Variants in SLC9A8 observed in about 807,000 individuals in gnomAD.
The protein encoded by SLC9A8 is sodium/hydrogen exchanger 8.
A neutral mutation model predicts 66.6 loss-of-function variants in SLC9A8; 48 were observed. The ratio of observed to expected loss-of-function variants is 0.72; its 90% confidence interval spans 0.57 to 0.92. The LOEUF (loss-of-function observed/expected upper bound fraction) is 0.92, where lower values mean the gene tolerates loss of function less well. Among genes scored for constraint, SLC9A8 ranks in the 40% least tolerant of loss-of-function variants. The pLI is 0.00. For synonymous variants in SLC9A8, 274 were observed against 282.6 expected (o/e 0.97, Z 0.31); for missense variants, 599 against 747.3 (o/e 0.80, Z 2.31).
chr20:49,881,089 C>A, intron 13 of SLC9A8, 54 bp downstream of exon 13: 1 of 1,263,564 alleles, frequency 7.9e-7, no homozygotes, highest in Non-Finnish European at 1.2e-6. Flanking sequence ...AAAGCACGCC[C>A]CATACAGGGA....
chr20:49,884,276 C>CACACACACACG lies in SLC9A8; in HGVS notation c.1491+220_1491+221insGACACACACAC, dbSNP rs1568884003. 817 of 158,760 alleles carry CACACACACACG rather than the reference C, an allele frequency of 5.1e-3. 74 individuals carry two copies. The highest frequency in any genetic ancestry group is 0.039 in the African/African-American group (403 of 10,246). 9.8% of individuals were successfully genotyped at this position (158,760 alleles called of 1,614,324 possible). On this transcript the variant is annotated intron_variant, in intron 14 of 15. Coordinates refer to ENST00000361573, the MANE Select transcript of SLC9A8 (RefSeq NM_015266.3). The stretch of plus-strand genomic sequence containing the variant: ...ACACACACGACACACACACACACGA[C>CACACACACACG]ACACACACACACGACACACACACAC...
At chr20:49,821,918 G>A (rs958514063) in intron 2 of SLC9A8, among the ~76,000 whole-genome samples, 1 of 152,150 alleles carries the variant, frequency 6.6e-6, no homozygotes, top group Admixed American at 6.6e-5. Context: ...CCAGCCAAGT[G>A]GGAGGTGGTG....
In SLC9A8 at chr20:49,876,002, G is replaced by A. The variant is rs2089414487; in HGVS notation, c.1075+1181G>A. On this transcript the variant is annotated intron_variant, in intron 11 of 15. Transcript: ENST00000361573. ...GATCCACCTGCCTCGGCCTCCCAAA[G>A]TGCTGGGATTACAGGCATGAGCCAC... Among the ~76,000 whole-genome samples the A allele has an allele frequency of 2.6e-5, 4 of 152,282 alleles. No individual in the cohort carries two copies. In the South Asian group the frequency reaches 8.3e-4, roughly 32 times the overall value.
In SLC9A8 at chr20:49,813,379, C is replaced by T. The variant is rs1225131331; in HGVS notation, c.26+431C>T. The stretch of plus-strand genomic sequence containing the variant: ...TCTCCTTCACTAAGTTTCATTTAGT[C>T]ATTAACTGTTAGCCATCTACTCAAT... On this transcript the variant is annotated intron_variant, in intron 1 of 15. Transcript: ENST00000361573. Among the ~76,000 whole-genome samples, 3 of 152,194 alleles carry T rather than the reference C, an allele frequency of 2.0e-5. No individual in the cohort carries two copies. The East Asian group carries it at 5.8e-4, about 29-fold the overall frequency.
chr20:49,818,639 T>G (rs1220319057), intron 2 of SLC9A8, among the ~76,000 whole-genome samples: 2 of 151,918 alleles, frequency 1.3e-5, no homozygotes, highest in African/African-American at 2.4e-5. Context: ...TACAGGTGCC[T>G]GCCACCACAC....
At chr20:49,829,611 C>T in intron 3 of SLC9A8, 1 of 412,270 alleles carries the variant, frequency 2.4e-6, no homozygotes, top group Non-Finnish European at 4.8e-6. Flanking sequence ...AGTGAAACAG[C>T]TGAAGCCATA....
At chr20:49,836,836 A>G (rs1177590360) in intron 3 of SLC9A8, among the ~76,000 whole-genome samples, 1 of 152,184 alleles carries the variant, frequency 6.6e-6, no homozygotes, top group African/African-American at 2.4e-5. Flanking sequence ...TATCCTTGCC[A>G]ACACTTATTT....
At chr20:49,852,417 G>A (rs950080423) in intron 7 of SLC9A8, among the ~76,000 whole-genome samples, 3 of 152,136 alleles carry the variant, frequency 2.0e-5, no homozygotes, top group Admixed American at 1.3e-4. Context: ...CATGAGAGGG[G>A]ACCACAGACT....
At position 49,888,205 on chromosome 20, in the gene SLC9A8, G is replaced by A. The variant is rs1239789395; in HGVS notation, c.*269G>A. On this transcript the variant is annotated 3_prime_UTR_variant, in exon 16 of 16. Transcript: ENST00000361573. ...CTCCTCAGCCCACAGAGGGGAGGGAGCATGGGGCCAGGTGCCAGTCATCTG... is the reference window on the plus strand; with the variant it reads ...CTCCTCAGCCCACAGAGGGGAGGGAACATGGGGCCAGGTGCCAGTCATCTG... 2 of 377,740 alleles carry A rather than the reference G, an allele frequency of 5.3e-6. No homozygotes were observed. Among genetic ancestry groups the A allele is most frequent in the Non-Finnish European group, 9.9e-6 (2 of 202,102 alleles). The allele number at this position is 377,740 out of a possible 1,614,324, so 23.4% of individuals were successfully genotyped here.
At chr20:49,860,749 C>T (rs572059706) in intron 8 of SLC9A8, among the ~76,000 whole-genome samples, 1 of 151,928 alleles carries the variant, frequency 6.6e-6, no homozygotes, top group Non-Finnish European at 1.5e-5. Context: ...AAAATGATAT[C>T]GATTCATGAC....
intron 4 of SLC9A8, among the ~76,000 whole-genome samples, chr20:49,841,929 A>ACG (rs2087779173): frequency 6.6e-6 from 1 of 152,050 alleles, no homozygotes; most frequent in African/African-American, 2.4e-5. Flanking sequence ...TTGTAGAGAC[A>ACG]CGATGTCACT....
Position 49,877,391 on chromosome 20 carries a change from G to A in SLC9A8, c.1076-590G>A, listed in dbSNP as rs192036266. Among the ~76,000 whole-genome samples, 574 of 152,236 alleles carry A rather than the reference G, an allele frequency of 3.8e-3. 4 individuals carry two copies. The highest frequency in any genetic ancestry group is 5.2e-3 in the Non-Finnish European group (357 of 68,016). The stretch of plus-strand genomic sequence containing the variant: ...AGAGCCTAGTGTTAGAAATTTATAA[G>A]GTGCTTTTTCTTAATATATACAAGT... On this transcript the variant is annotated intron_variant, in intron 11 of 15. Transcript: ENST00000361573.
intron 3 of SLC9A8, among the ~76,000 whole-genome samples, chr20:49,838,193 G>A (rs1600690516): frequency 6.6e-6 from 1 of 152,196 alleles, no homozygotes; most frequent in African/African-American, 2.4e-5. Context: ...GAGAGAGAAC[G>A]AAGATGGGGG....
At chr20:49,830,935 GC>G in intron 3 of SLC9A8, 1 of 837,578 alleles carries the variant, frequency 1.2e-6, no homozygotes, top group Non-Finnish European at 2.1e-6. Context: ...TGAAATACAT[GC>G]AGAAGGATCT....
chr20:49,815,352 G>A, intron 2 of SLC9A8, 163 bp downstream of exon 2: 1 of 452,840 alleles, frequency 2.2e-6, no homozygotes, highest in Non-Finnish European at 3.8e-6. Context: ...TCATTAACAG[G>A]AAACTCTCTT....
At chr20:49,864,948 C>T in intron 10 of SLC9A8, 104 bp downstream of exon 10, 3 of 762,130 alleles carry the variant, frequency 3.9e-6, no homozygotes, top group Admixed American at 3.9e-5. Flanking sequence ...GAGACAGTCA[C>T]AACTCAGAAG....
In SLC9A8 at chr20:49,828,919, ATGTG is replaced by A. The variant is rs140016053; in HGVS notation, c.289+5790_289+5793del. On this transcript the variant is annotated intron_variant, in intron 3 of 15. Transcript: ENST00000361573. The stretch of plus-strand genomic sequence containing the variant: ...GCACAGTGCATGGCACACAGTATAG[ATGTG>A]TGTGTGTGTGTATGTATGCATTTAT... Among the ~76,000 whole-genome samples, 7 of 150,648 alleles carry A rather than the reference ATGTG, an allele frequency of 4.6e-5. No homozygotes were observed. In the East Asian group the frequency reaches 1.2e-3, roughly 25 times the overall value.
chr20:49,890,820 A>G lies in SLC9A8; in HGVS notation c.*2884A>G, dbSNP rs1421834996. On this transcript the variant is annotated 3_prime_UTR_variant, in exon 16 of 16. Coordinates refer to ENST00000361573, the MANE Select transcript of SLC9A8 (RefSeq NM_015266.3). ...CCCTAAGCCAGCCACCCCTCTTCAC[A>G]GTGGGTGAGCTGGGCTGGGCTGGCT... 1 of 152,276 alleles carries G rather than the reference A, an allele frequency of 6.6e-6. No homozygotes were observed. The highest frequency in any genetic ancestry group is 1.5e-5 in the Non-Finnish European group (1 of 68,096). 9.4% of individuals were successfully genotyped at this position (152,276 alleles called of 1,614,324 possible).
intron 10 of SLC9A8, among the ~76,000 whole-genome samples, chr20:49,873,225 T>C (rs538833265): frequency 6.6e-6 from 1 of 152,326 alleles, no homozygotes; most frequent in Admixed American, 6.5e-5. Context: ...CTCACACTTA[T>C]AATCCCAGCA....
Sources: allele counts gnomAD v4.1 joint callset (sites outside exome capture counted in the v4.1 genomes callset), GRCh38; gene constraint gnomAD v4.1.1; transcripts MANE v1.5; gene names NCBI Gene and HGNC (gene_info 2026-07-23, HGNC 2026-07-21).